TDRD3: variants seen among roughly 807,000 people sequenced by gnomAD.
TDRD3 encodes tudor domain-containing protein 3.
Under a neutral mutation model 86.7 loss-of-function variants are expected in TDRD3, and 45 were observed. The observed-to-expected ratio is 0.52, with a 90% CI of 0.41 to 0.67. The LOEUF (loss-of-function observed/expected upper bound fraction) is 0.67. TDRD3 is among the 30% of genes least tolerant of loss of function. The pLI, the probability that TDRD3 is intolerant of heterozygous loss-of-function variation, is 0.00. For synonymous variants in TDRD3, 298 were observed against 301.7 expected, an observed-to-expected ratio of 0.99 and a Z score of 0.13; for missense variants, 814 against 889.0, an observed-to-expected ratio of 0.92 and a Z score of 1.07.
intron 3 of TDRD3, among the ~76,000 whole-genome samples, chr13:60,452,023 A>G (rs1284205363): frequency 2.6e-5 from 4 of 152,188 alleles, no homozygotes; most frequent in Non-Finnish European, 4.4e-5. Flanking sequence ...GCCCTGACAC[A>G]TAGCATTTGC....
intron 1 of TDRD3, among the ~76,000 whole-genome samples, chr13:60,408,818 A>C (rs1341777494): frequency 6.6e-6 from 1 of 152,180 alleles, no homozygotes; most frequent in Non-Finnish European, 1.5e-5. Flanking sequence ...TCTAGGGAGA[A>C]ATTCAAGCCA....
At chr13:60,476,444 A>G (rs1169784914) in intron 5 of TDRD3, among the ~76,000 whole-genome samples, 1 of 152,072 alleles carries the variant, frequency 6.6e-6, no homozygotes, top group Non-Finnish European at 1.5e-5. Context: ...TTTTTGTACC[A>G]ATACCATTCT....
intron 12 of TDRD3, among the ~76,000 whole-genome samples, chr13:60,541,831 A>C (rs61968688): frequency 0.14 from 20,428 of 145,604 alleles, 1,444 homozygotes; most frequent in East Asian, 0.2. Flanking sequence ...GGGTTCAAGC[A>C]ATTCTCTTGC....
At chr13:60,467,417 C>T (rs763765583) in intron 5 of TDRD3, 38 bp downstream of exon 5, 4 of 1,603,146 alleles carry the variant, frequency 2.5e-6, no homozygotes, top group Admixed American at 1.8e-5. Flanking sequence ...TGAAACATTA[C>T]ACTCTTTTTT....
At chr13:60,507,153 C>T (rs1484308553) in intron 8 of TDRD3, among the ~76,000 whole-genome samples, 1 of 152,104 alleles carries the variant, frequency 6.6e-6, no homozygotes, top group Non-Finnish European at 1.5e-5. Context: ...AGCTAACTAT[C>T]CCAAATATAT....
chr13:60,431,801 ATAGT>A (rs1954960863), intron 1 of TDRD3, among the ~76,000 whole-genome samples: 2 of 151,664 alleles, frequency 1.3e-5, no homozygotes, highest in African/African-American at 4.8e-5. Context: ...ATATTAATAG[ATAGT>A]TGATTAATGA....
At chr13:60,402,278 G>A (rs1200281174) in intron 1 of TDRD3, among the ~76,000 whole-genome samples, 1 of 152,188 alleles carries the variant, frequency 6.6e-6, no homozygotes. Context: ...GCTGGTGAAT[G>A]ATCTCACTCT....
At chr13:60,454,473 C>G (rs376938781) in intron 3 of TDRD3, among the ~76,000 whole-genome samples, 1 of 151,844 alleles carries the variant, frequency 6.6e-6, no homozygotes, top group East Asian at 1.9e-4. Context: ...TTTCATTTTT[C>G]TTGATCTTTC....
At chr13:60,463,525 C>T (rs917893015) in intron 4 of TDRD3, among the ~76,000 whole-genome samples, 2 of 151,832 alleles carry the variant, frequency 1.3e-5, no homozygotes, top group African/African-American at 4.8e-5. Context: ...TTAAATCAAA[C>T]TAAAAAGCTT....
chr13:60,432,945 A>C (rs910094383), intron 1 of TDRD3, among the ~76,000 whole-genome samples: 1 of 152,150 alleles, frequency 6.6e-6, no homozygotes, highest in Non-Finnish European at 1.5e-5. Context: ...TTAGAACCCC[A>C]AAAACTGCAT....
At chr13:60,425,104 G>GA (rs1453063954) in intron 1 of TDRD3, among the ~76,000 whole-genome samples, 3 of 152,024 alleles carry the variant, frequency 2.0e-5, no homozygotes, top group Non-Finnish European at 4.4e-5. Context: ...CTTATTCAAG[G>GA]AAAAAATGCA....
chr13:60,406,244 A>C (rs1954230525), intron 1 of TDRD3, among the ~76,000 whole-genome samples: 1 of 152,178 alleles, frequency 6.6e-6, no homozygotes, highest in Non-Finnish European at 1.5e-5. Context: ...AGATCATCTA[A>C]GGCTGCAGCT....
At chr13:60,523,744 T>G (rs967118200) in intron 10 of TDRD3, among the ~76,000 whole-genome samples, 12 of 151,880 alleles carry the variant, frequency 7.9e-5, no homozygotes, top group Non-Finnish European at 1.5e-4. Context: ...GCCCAGCTAA[T>G]TTTTGTATTT....
In TDRD3 at chr13:60,528,455, G is replaced by C. The variant is rs61968686; in HGVS notation, c.1230G>C (p.Leu410=). ...ATGGAGTAAAAGATAATAATCATCT[G>C]AGACATCCTCCTCGAAATGATACCA... ...EQNGVKDNNH[L]RHPPRNDTRQ... The change falls in exon 11 of 14, where the codon CTG becomes CTC. Residue 410 remains leucine (L), a synonymous_variant. Coordinates refer to ENST00000377881, the MANE Select transcript of TDRD3 (RefSeq NM_001146070.2). 17,681 of 1,613,902 alleles carry C rather than the reference G, an allele frequency of 0.011. 128 individuals are homozygous for C. Among genetic ancestry groups the C allele is most frequent in the Non-Finnish European group, 0.013 (15,612 of 1,179,934 alleles).
intron 8 of TDRD3, among the ~76,000 whole-genome samples, chr13:60,496,288 CATATATATATAT>C (rs56211733): frequency 0.026 from 1,556 of 60,892 alleles, 28 homozygotes; most frequent in Non-Finnish European, 0.028. Flanking sequence ...AACAAACTCC[CATATATATATAT>C]ATATATATAT....
chr13:60,438,734 G>T (rs898368753), intron 1 of TDRD3, among the ~76,000 whole-genome samples: 1 of 152,060 alleles, frequency 6.6e-6, no homozygotes, highest in Non-Finnish European at 1.5e-5. Context: ...GTCTAGTGTT[G>T]AGAGTTGATG....
chr13:60,539,979 C>T (rs1468065512), intron 12 of TDRD3, among the ~76,000 whole-genome samples: 1 of 151,946 alleles, frequency 6.6e-6, no homozygotes, highest in African/African-American at 2.4e-5. Flanking sequence ...AACCATTGAC[C>T]TCAAAGGAGG....
intron 12 of TDRD3, chr13:60,535,653 A>T (rs1459615733): frequency 6.5e-6 from 1 of 154,562 alleles, no homozygotes; most frequent in Non-Finnish European, 1.4e-5. Context: ...AAATTAAAAA[A>T]AACACTTTAA....
intron 12 of TDRD3, among the ~76,000 whole-genome samples, chr13:60,541,806 C>T (rs1957821728): frequency 7.0e-6 from 1 of 142,342 alleles, no homozygotes; most frequent in Non-Finnish European, 1.5e-5. Context: ...CGGCTCACCA[C>T]AACCTCCGCC....
Sources: allele counts gnomAD v4.1 joint callset (sites outside exome capture counted in the v4.1 genomes callset), GRCh38; gene constraint gnomAD v4.1.1; transcripts MANE v1.5; gene names NCBI Gene and HGNC (gene_info 2026-07-23, HGNC 2026-07-21).